Variants in MAF observed in about 807,000 individuals in gnomAD.
MAF encodes MAF bZIP transcription factor.
A neutral mutation model predicts 22.0 loss-of-function variants in MAF; 10 were observed. The ratio of observed to expected loss-of-function variants is 0.45; its 90% CI spans 0.28 to 0.77. MAF has a LOEUF of 0.77. Among genes scored for constraint, MAF ranks in the 30% least tolerant of loss-of-function variants. The probability of loss-of-function intolerance (pLI) is 0.12; values close to 1 mark genes in which losing one functional copy is unlikely to be tolerated. For missense variants in MAF, 544 were observed against 548.4 expected, an observed-to-expected ratio of 0.99 and a Z score of 0.08; for synonymous variants, 337 against 255.8, an observed-to-expected ratio of 1.32 and a Z score of -3.03.
the MAF span, among the ~76,000 whole-genome samples, chr16:79,479,708 C>T: frequency 6.6e-6 from 1 of 152,172 alleles, no homozygotes; most frequent in Admixed American, 6.5e-5. Context: ...TTTGGTATTT[C>T]CCACAGGAGA....
the MAF span, among the ~76,000 whole-genome samples, chr16:79,243,857 G>A: frequency 6.6e-6 from 1 of 151,964 alleles, no homozygotes; most frequent in Non-Finnish European, 1.5e-5. Flanking sequence ...ACATCAAAAA[G>A]GTTGCCAACC....
At chr16:79,440,622 GA>G in the MAF span, among the ~76,000 whole-genome samples, 2 of 152,214 alleles carry the variant, frequency 1.3e-5, no homozygotes, top group East Asian at 3.9e-4. Flanking sequence ...TTTTAGTAGA[GA>G]AGGGGTTTCA....
At chr16:79,254,199 A>G in the MAF span, among the ~76,000 whole-genome samples, 1 of 152,176 alleles carries the variant, frequency 6.6e-6, no homozygotes, top group East Asian at 1.9e-4. Context: ...ATTTTCGAAT[A>G]ATTTTCTACT....
chr16:79,220,689 A>G, the MAF span, among the ~76,000 whole-genome samples: 2 of 152,162 alleles, frequency 1.3e-5, no homozygotes, highest in African/African-American at 2.4e-5. Context: ...TCTTAACATC[A>G]GTTCCAAGGA....
chr16:79,230,659 G>T, the MAF span, among the ~76,000 whole-genome samples: 3 of 152,186 alleles, frequency 2.0e-5, no homozygotes, highest in Middle Eastern at 0.01. Flanking sequence ...TAAACTTGAA[G>T]AAATTAACCA....
chr16:79,508,587 A>C, the MAF span, among the ~76,000 whole-genome samples: 3 of 152,210 alleles, frequency 2.0e-5, no homozygotes, highest in Non-Finnish European at 1.5e-5. Flanking sequence ...CCGGCTGAAT[A>C]TGCCGTTTCC....
the MAF span, among the ~76,000 whole-genome samples, chr16:79,374,356 C>A: frequency 6.6e-6 from 1 of 152,138 alleles, no homozygotes; most frequent in African/African-American, 2.4e-5. Flanking sequence ...GGTCAATGAG[C>A]TCTGTAGAAT....
chr16:79,544,728 G>C, the MAF span, among the ~76,000 whole-genome samples: 1 of 142,516 alleles, frequency 7.0e-6, no homozygotes, highest in African/African-American at 2.6e-5. Context: ...AGCTGAGATT[G>C]CACCACTGCA....
the MAF span, among the ~76,000 whole-genome samples, chr16:79,523,324 G>A: frequency 6.6e-6 from 1 of 152,324 alleles, no homozygotes. Context: ...TTCTCCCACT[G>A]AAGGGAGGGA....
At chr16:79,327,482 G>C in the MAF span, among the ~76,000 whole-genome samples, 5 of 152,172 alleles carry the variant, frequency 3.3e-5, no homozygotes, top group Non-Finnish European at 7.3e-5. Context: ...ACAAAGCCAT[G>C]AGTTATTATA....
chr16:79,536,667 G>C, the MAF span, among the ~76,000 whole-genome samples: 1 of 152,112 alleles, frequency 6.6e-6, no homozygotes. Flanking sequence ...AAAATATTGA[G>C]AAAAAATTTT....
At chr16:79,288,811 C>G in the MAF span, among the ~76,000 whole-genome samples, 3 of 152,090 alleles carry the variant, frequency 2.0e-5, no homozygotes, top group Non-Finnish European at 2.9e-5. Context: ...CTCACTGCAA[C>G]CTCCTCCTCC....
At chr16:79,432,809 G>C in the MAF span, among the ~76,000 whole-genome samples, 1 of 152,054 alleles carries the variant, frequency 6.6e-6, no homozygotes, top group African/African-American at 2.4e-5. Flanking sequence ...TACAAGCCAA[G>C]TAATATCAAA....
chr16:79,243,361 C>T, the MAF span, among the ~76,000 whole-genome samples: 1 of 151,128 alleles, frequency 6.6e-6, no homozygotes, highest in Non-Finnish European at 1.5e-5. Flanking sequence ...CAAATAATTG[C>T]AATAAAAAAT....
Position 79,600,428 on chromosome 16 carries a change from G to T in MAF, c.-526C>A, listed in dbSNP as rs192477942. The T allele has an allele frequency of 1.8e-4, 35 of 196,784 alleles. No homozygotes were observed. The highest frequency in any genetic ancestry group is 8.0e-4 in the African/African-American group (34 of 42,434). The allele number at this position is 196,784 out of a possible 1,614,324, so 12.2% of individuals were successfully genotyped here. A position where few individuals can be genotyped will look rare whatever the true frequency, so the allele number is the denominator to read the frequency against. On this transcript the variant is annotated 5_prime_UTR_variant, in exon 1 of 2. Coordinates refer to ENST00000326043, the MANE Select transcript of MAF (RefSeq NM_005360.5). ...GTCCGGGCGGCGCGGGCCTTGGCAC[G>T]GGGGAGTTAACACTTCATGCTTCTC...
chr16:79,400,502 T>A, the MAF span, among the ~76,000 whole-genome samples: 43,339 of 152,138 alleles, frequency 0.28, 7,628 homozygotes, highest in East Asian at 0.55. Flanking sequence ...CAAACATGAG[T>A]TGGAGTTTAT....
At chr16:79,582,346 C>T (rs1027859895), downstream of MAF, among the ~76,000 whole-genome samples, 2 of 152,158 alleles carry the variant, frequency 1.3e-5, no homozygotes, top group Non-Finnish European at 2.9e-5. Flanking sequence ...TCTACAGAAG[C>T]ATCATTTTGT....
chr16:79,598,816 T>A lies in MAF; in HGVS notation c.1087A>T (p.Ser363Cys). 1 of 1,613,642 alleles carries A rather than the reference T, an allele frequency of 6.2e-7. No homozygotes were observed. Among genetic ancestry groups the A allele is most frequent in the Non-Finnish European group, 8.5e-7 (1 of 1,179,926 alleles). ...SSGFRENGSS[S>C]DNPSSPEFFI... ...AACTCGGGAGAGGACGGGTTGTCGC[T>A]GCTCGAGCCGTTTTCTCGGAAGCCG... The change falls in exon 1 of 2, where the codon AGC (serine) becomes TGC (cysteine). Residue 363 changes from serine to cysteine, a missense_variant. Transcript: ENST00000326043.
the MAF span, among the ~76,000 whole-genome samples, chr16:79,376,985 C>T: frequency 3.1e-4 from 47 of 152,262 alleles, 1 homozygote; most frequent in Admixed American, 1.1e-3. Flanking sequence ...AATAAACATA[C>T]GTGTGCATGT....
Sources: gnomAD v4.1 joint callset for allele counts (sites outside exome capture counted in the v4.1 genomes callset) on GRCh38, gnomAD v4.1.1 for gene constraint, MANE v1.5 for transcripts, NCBI Gene and HGNC (gene_info 2026-07-23, HGNC 2026-07-21) for gene names.